Variants in GSE1 observed in about 807,000 individuals in gnomAD.
GSE1 encodes the protein genetic suppressor element 1.
Under a neutral mutation model 112.6 loss-of-function variants are expected in GSE1, and 32 were observed. That is an observed-to-expected ratio of 0.28 (90% CI 0.21 to 0.38). The LOEUF (loss-of-function observed/expected upper bound fraction) is 0.38. Ranked by LOEUF, GSE1 falls within the 10% of genes least tolerant of loss-of-function variation. The probability of loss-of-function intolerance (pLI) is 1.00; values close to 1 mark genes in which losing one functional copy is unlikely to be tolerated. For synonymous variants in GSE1, 1,115 were observed against 735.6 expected (o/e 1.52, Z -8.35); for missense variants, 2,348 against 1,699.2 (o/e 1.38, Z -6.71).
chr16:85,618,192 C>G (rs2048499085), intron 1 of GSE1, among the ~76,000 whole-genome samples: 1 of 152,040 alleles, frequency 6.6e-6, no homozygotes, highest in Non-Finnish European at 1.5e-5. Flanking sequence ...TTTGGGATCA[C>G]TGGACTGAGG....
upstream of GSE1, among the ~76,000 whole-genome samples, chr16:85,612,548 C>G (rs931632811): frequency 6.6e-6 from 1 of 151,914 alleles, no homozygotes; most frequent in African/African-American, 2.4e-5. Context: ...GCCCCTGGGC[C>G]GCGGGTTCTT....
At position 85,656,316 on chromosome 16, in the gene GSE1, GC is replaced by G. The variant is rs754810413; in HGVS notation, c.990-22del. ...CGTCTCTTGTTCCTGGTGCAGCAGA[GC>G]CCCCAACTCTTTCCATGTGCTGCAG... is the stretch of plus-strand genomic sequence containing the variant. On this transcript the variant is annotated intron_variant, in intron 6 of 15. Transcript: ENST00000253458. 9.3e-6 allele frequency: 15 copies of G among 1,607,926 alleles called. No individual in the cohort carries two copies. In the East Asian group the frequency reaches 3.1e-4, roughly 34 times the overall value.
In GSE1 at chr16:85,377,124, G is replaced by T. The variant is rs536954445; in HGVS notation, c.2464+19481G>T. Among the ~76,000 whole-genome samples the T allele has an allele frequency of 5.3e-5, 8 of 152,354 alleles. No individual in the cohort carries two copies. The East Asian group carries it at 1.2e-3, about 22-fold the overall frequency. ...ACAAGGTTGCCGTGTGTGCACAGTT[G>T]TGGATGACGGGGTACCCCTGGTAGG... is the stretch of plus-strand genomic sequence containing the variant. On this transcript the variant is annotated intron_variant, in intron 2 of 2. Transcript: ENST00000637419.
intron 2 of GSE1, among the ~76,000 whole-genome samples, chr16:85,440,170 G>A (rs932198078): frequency 2.6e-5 from 4 of 152,214 alleles, no homozygotes; most frequent in African/African-American, 7.2e-5. Context: ...TGGATGGCTC[G>A]AACCGTGTCT....
chr16:85,670,797 G>C, intron 14 of GSE1, 198 bp from the exon 15 acceptor site: 1 of 431,024 alleles, frequency 2.3e-6, no homozygotes, highest in Non-Finnish European at 4.2e-6. Flanking sequence ...TGTGTATTGG[G>C]CTTAATTTAG....
chr16:85,461,871 C>T (rs2049978424), intron 2 of GSE1, among the ~76,000 whole-genome samples: 1 of 152,194 alleles, frequency 6.6e-6, no homozygotes, highest in Non-Finnish European at 1.5e-5. Context: ...CACCCCTCCC[C>T]AGCTCCTGAG....
At chr16:85,532,223 T>C (rs1598088703) in intron 2 of GSE1, among the ~76,000 whole-genome samples, 2 of 152,284 alleles carry the variant, frequency 1.3e-5, no homozygotes, top group East Asian at 1.9e-4. Context: ...CGTAGGAGTA[T>C]GCCTAAGGCT....
chr16:85,393,936 CG>C (rs1269522587), intron 2 of GSE1, among the ~76,000 whole-genome samples: 2 of 152,070 alleles, frequency 1.3e-5, no homozygotes, highest in African/African-American at 2.4e-5. Flanking sequence ...CCCACTGGGG[CG>C]GGGCTGGGCT....
At chr16:85,552,327 C>CTTTTTTTTTTTTTTT (rs1567581122), upstream of GSE1, among the ~76,000 whole-genome samples, 1 of 59,504 alleles carries the variant, frequency 1.7e-5, no homozygotes, top group African/African-American at 5.0e-5. Flanking sequence ...ACCCGCCCCT[C>CTTTTTTTTTTTTTTT]CTTTTTTTTT....
At chr16:85,520,863 G>A (rs1289539195) in intron 2 of GSE1, among the ~76,000 whole-genome samples, 1 of 152,206 alleles carries the variant, frequency 6.6e-6, no homozygotes, top group Non-Finnish European at 1.5e-5. Context: ...GGAGAAACAG[G>A]GCAGCGTCCT....
Position 85,333,378 on chromosome 16 carries a change from G to A in GSE1, c.2284-24085G>A, listed in dbSNP as rs548130068. On this transcript the variant is annotated intron_variant, in intron 1 of 2. Coordinates refer to the GSE1 transcript ENST00000637419. Reference sequence around the variant, plus strand: ...CCAGTATGATGGAGCAACCCACCCCGTGCTGGCCCAGCCCACCAGGCTTCC... The same window carrying A: ...CCAGTATGATGGAGCAACCCACCCCATGCTGGCCCAGCCCACCAGGCTTCC... Among the ~76,000 whole-genome samples the A allele has an allele frequency of 2.2e-4, 34 of 152,216 alleles. No individual in the cohort carries two copies. In the East Asian group the frequency reaches 6.0e-3, roughly 27 times the overall value.
intron 2 of GSE1, among the ~76,000 whole-genome samples, chr16:85,546,716 C>T (rs926872794): frequency 6.6e-6 from 1 of 152,370 alleles, no homozygotes; most frequent in Non-Finnish European, 1.5e-5. Context: ...CCCACATTCT[C>T]TTGGCCAGAA....
At chr16:85,380,508 C>CG (rs2047521895) in intron 2 of GSE1, among the ~76,000 whole-genome samples, 1 of 67,190 alleles carries the variant, frequency 1.5e-5, no homozygotes, top group Non-Finnish European at 4.8e-5. Context: ...GGTGGGAGGA[C>CG]ACCCCCCCTC....
chr16:85,226,271 C>G (rs1460644143), intron 1 of GSE1, among the ~76,000 whole-genome samples: 1 of 152,148 alleles, frequency 6.6e-6, no homozygotes, highest in East Asian at 1.9e-4. Flanking sequence ...TTCCCAGGAC[C>G]TCTTTTTAGG....
At chr16:85,376,833 A>T (rs1466101958) in intron 2 of GSE1, among the ~76,000 whole-genome samples, 1 of 152,172 alleles carries the variant, frequency 6.6e-6, no homozygotes, top group East Asian at 1.9e-4. Flanking sequence ...GACAGCAAGG[A>T]TTGCTGGGAA....
intron 1 of GSE1, among the ~76,000 whole-genome samples, chr16:85,287,872 A>G (rs1343815433): frequency 6.6e-6 from 1 of 152,150 alleles, no homozygotes; most frequent in African/African-American, 2.4e-5. Flanking sequence ...CGGCATCCCT[A>G]GGACTCAGAA....
Position 85,499,899 on chromosome 16 carries a change from G to C in GSE1, c.2465-134015G>C, listed in dbSNP as rs146592739. On this transcript the variant is annotated intron_variant, in intron 2 of 2. Transcript: ENST00000637419. Reference sequence around the variant, plus strand: ...ACATGGGAAAAACCTTTTTGGAAAAGCAAAAAGGCAAAAGTGGAAGCAAGA... The same window carrying C: ...ACATGGGAAAAACCTTTTTGGAAAACCAAAAAGGCAAAAGTGGAAGCAAGA... Among the ~76,000 whole-genome samples the C allele has an allele frequency of 2.0e-5, 3 of 152,250 alleles. No individual in the cohort carries two copies. The East Asian group carries it at 5.8e-4, about 29-fold the overall frequency.
chr16:85,275,038 A>G lies in GSE1; in HGVS notation c.2284-82425A>G, dbSNP rs117428241. On this transcript the variant is annotated intron_variant, in intron 1 of 2. Coordinates refer to the GSE1 transcript ENST00000637419. ...TTGGTGGCTGGTGCCTAGAGCCAGG[A>G]GTCTGTCAGGTGTGAGGGGCCATAT... Among the ~76,000 whole-genome samples the G allele has an allele frequency of 2.0e-4, 31 of 152,288 alleles. No individual in the cohort carries two copies. In the East Asian group the frequency reaches 6.0e-3, roughly 29 times the overall value.
chr16:85,503,365 C>T (rs771609665), intron 2 of GSE1, among the ~76,000 whole-genome samples: 3 of 152,214 alleles, frequency 2.0e-5, no homozygotes, highest in Non-Finnish European at 2.9e-5. Flanking sequence ...ACTCCCCAGC[C>T]TCCACCTGCC....
Sources: gnomAD v4.1 joint callset for allele counts (sites outside exome capture counted in the v4.1 genomes callset) on GRCh38, gnomAD v4.1.1 for gene constraint, MANE v1.5 for transcripts, NCBI Gene and HGNC (gene_info 2026-07-23, HGNC 2026-07-21) for gene names.